ITIH3: variants seen among roughly 807,000 people sequenced by gnomAD.
ITIH3 encodes the protein inter-alpha-trypsin inhibitor heavy chain H3.
ITIH3 carries 81 observed loss-of-function variants against 96.5 expected under a neutral mutation model. The observed-to-expected ratio is 0.84, with a 90% CI of 0.70 to 1.01. The LOEUF (loss-of-function observed/expected upper bound fraction) is 1.01, where lower values mean the gene tolerates loss of function less well. ITIH3 is among the 50% of genes least tolerant of loss of function. The pLI is 0.00. For missense variants in ITIH3, 1,057 were observed against 1,139.3 expected (o/e 0.93, Z 1.04); for synonymous variants, 422 against 445.2 (o/e 0.95, Z 0.66).
chr3:52,804,109 C>A, intron 14 of ITIH3, 100 bp downstream of exon 14: 1 of 1,310,384 alleles, frequency 7.6e-7, no homozygotes, highest in Non-Finnish European at 1.1e-6. Flanking sequence ...GAGACCCAGA[C>A]CTGCTGAAGT....
intron 5 of ITIH3, among the ~76,000 whole-genome samples, chr3:52,797,597 T>C (rs538281881): frequency 1.2e-4 from 18 of 152,320 alleles, no homozygotes; most frequent in African/African-American, 4.3e-4. Flanking sequence ...GTGGTGGAAT[T>C]TCGGGCGCAT....
At chr3:52,806,866 C>T (rs772928188) in intron 18 of ITIH3, 35 bp from the exon 19 acceptor site, 18 of 1,537,396 alleles carry the variant, frequency 1.2e-5, no homozygotes, top group Admixed American at 1.2e-4. Flanking sequence ...CAGAAGTTCT[C>T]GCTGGTCTCT....
chr3:52,806,073 G>T (rs1411889630), intron 16 of ITIH3, 30 bp from the exon 17 acceptor site: 1 of 1,589,572 alleles, frequency 6.3e-7, no homozygotes, highest in Admixed American at 1.8e-5. Context: ...CACTTGCTTA[G>T]CTCAGCCCTC....
Position 52,795,762 on chromosome 3 carries a change from T to A in ITIH3, c.114+139T>A. 3 of 778,998 alleles carry A rather than the reference T, an allele frequency of 3.9e-6. No individual in the cohort carries two copies. In the South Asian group the frequency reaches 5.4e-5, roughly 14 times the overall value. 48.3% of individuals were successfully genotyped at this position (778,998 alleles called of 1,614,324 possible). A position where few individuals can be genotyped will look rare whatever the true frequency, so the allele number is the denominator to read the frequency against. On this transcript the variant is annotated intron_variant, in intron 2 of 21. Coordinates refer to ENST00000449956, the MANE Select transcript of ITIH3 (RefSeq NM_002217.4). Reference sequence around the variant, plus strand: ...CTTACGGCCCTCTGCCCTGGCAGCCTCCAACAGCGCAGGACTCCTGGGAAA... The same window carrying A: ...CTTACGGCCCTCTGCCCTGGCAGCCACCAACAGCGCAGGACTCCTGGGAAA...
intron 2 of ITIH3, 82 bp downstream of exon 2, chr3:52,795,705 A>AT: frequency 7.3e-7 from 1 of 1,374,032 alleles, no homozygotes; most frequent in Non-Finnish European, 1.0e-6. Context: ...GGTGTAGGCT[A>AT]TAACAGCTGA....
intron 7 of ITIH3, 57 bp from the exon 8 acceptor site, chr3:52,799,315 A>T: frequency 7.5e-7 from 1 of 1,333,730 alleles, no homozygotes; most frequent in Non-Finnish European, 1.0e-6. Context: ...CTGCAAGAAT[A>T]GTCAATGTGG....
At chr3:52,796,399 G>A in intron 2 of ITIH3, 82 bp from the exon 3 acceptor site, 1 of 1,292,438 alleles carries the variant, frequency 7.7e-7, no homozygotes, top group Non-Finnish European at 1.1e-6. Flanking sequence ...AGCCTCCAAG[G>A]GTTTGCAAGG....
At position 52,800,947 on chromosome 3, in the gene ITIH3, C is replaced by T. The variant is rs1285527540; in HGVS notation, c.1202-18C>T. On this transcript the variant is annotated intron_variant, in intron 10 of 21. Coordinates refer to ENST00000449956, the MANE Select transcript of ITIH3 (RefSeq NM_002217.4). ...CCCAGGGCTGGGGCTGGACTGTGAA[C>T]ACCCCCTTCTCCAACAGGTGAGAGC... 2.5e-6 allele frequency: 4 copies of T among 1,613,878 alleles called. No homozygotes were observed. The highest frequency in any genetic ancestry group is 3.4e-6 in the Non-Finnish European group (4 of 1,179,810).
chr3:52,802,860 A>G, intron 13 of ITIH3, 54 bp downstream of exon 13: 38 of 1,599,750 alleles, frequency 2.4e-5, no homozygotes, highest in Non-Finnish European at 3.1e-5. Flanking sequence ...GCTCCAATGC[A>G]AGGGCACCCC....
In ITIH3 at chr3:52,801,244, C is replaced by G; in HGVS notation, c.1383+98C>G. ...CAGTTCTAGTTATTAGGAAGAGCTT[C>G]GTCTTGGGTCAAAATCCACCTCTGA... On this transcript the variant is annotated intron_variant, in intron 11 of 21. Coordinates refer to ENST00000449956, the MANE Select transcript of ITIH3 (RefSeq NM_002217.4). The G allele has an allele frequency of 2.7e-6, 3 of 1,126,864 alleles. 1 individual carries two copies. The South Asian group carries it at 5.2e-5, about 19-fold the overall frequency. The allele number at this position is 1,126,864 out of a possible 1,614,324, so 69.8% of individuals were successfully genotyped here.
Position 52,799,885 on chromosome 3 carries a change from G to A in ITIH3, c.1039G>A (p.Ala347Thr), listed in dbSNP as rs373955614. The A allele has an allele frequency of 1.9e-6, 3 of 1,613,804 alleles. No homozygotes were observed. In the African/African-American group the frequency reaches 4.0e-5, roughly 22 times the overall value. The change falls in exon 9 of 22, where the codon GCC (alanine) becomes ACC (threonine). Residue 347 changes from alanine to threonine, a missense_variant. By Grantham distance (58) the Ala-to-Thr change is moderately conservative. Transcript: ENST00000449956. ...VQATPENLQE[A>T]RTFVKSMEDK... Reference sequence around the variant, plus strand: ...GGCCACGCCCGAGAACCTCCAGGAGGCCAGGACGTTTGTGAAGAGCATGGA... The same window carrying A: ...GGCCACGCCCGAGAACCTCCAGGAGACCAGGACGTTTGTGAAGAGCATGGA...
At chr3:52,803,768 C>T in intron 13 of ITIH3, 87 bp from the exon 14 acceptor site, 1 of 1,463,536 alleles carries the variant, frequency 6.8e-7, no homozygotes, top group South Asian at 1.3e-5. Context: ...GAGTGGGGAT[C>T]CCCAGCTGTG....
intron 14 of ITIH3, chr3:52,804,239 G>A (rs1333606502): frequency 8.7e-6 from 5 of 571,728 alleles, no homozygotes; most frequent in African/African-American, 1.9e-5. Flanking sequence ...AGGGAAGTGA[G>A]TAAAGGGGGC....
In ITIH3 at chr3:52,801,407, G is replaced by C. The variant is rs188778952; in HGVS notation, c.1383+261G>C. 6.6e-5 allele frequency among the ~76,000 whole-genome samples: 10 copies of C among 152,258 alleles called. No homozygotes were observed. The South Asian group carries it at 1.5e-3, about 22-fold the overall frequency. ...TTCTGATAAATAATGAATTTTTGTAGTGTAAGTATGCCCCAAATATTGCAC... is the reference window on the plus strand; with the variant it reads ...TTCTGATAAATAATGAATTTTTGTACTGTAAGTATGCCCCAAATATTGCAC... On this transcript the variant is annotated intron_variant, in intron 11 of 21. Coordinates refer to ENST00000449956, the MANE Select transcript of ITIH3 (RefSeq NM_002217.4).
chr3:52,800,539 G>T lies in ITIH3; in HGVS notation c.1077G>T (p.Met359Ile). The T allele has an allele frequency of 6.4e-7, 1 of 1,554,178 alleles. No homozygotes were observed. Among genetic ancestry groups the T allele is most frequent in the South Asian group, 1.2e-5 (1 of 84,088 alleles). Residue 359 changes from methionine to isoleucine, a missense_variant and splice_region_variant, in exon 10 of 22, where the codon ATG becomes ATT. Met to Ile is a conservative substitution (Grantham distance 10). Coordinates refer to ENST00000449956, the MANE Select transcript of ITIH3 (RefSeq NM_002217.4). ...CGGTGCTGTCTGTCTGTGTCCCAGT[G>T]ACCAACATCAATGACGGGCTGCTGA... is the stretch of plus-strand genomic sequence containing the variant. ...TFVKSMEDKG[M>I]TNINDGLLRG...
intron 11 of ITIH3, among the ~76,000 whole-genome samples, chr3:52,801,622 G>T (rs1334188430): frequency 6.6e-6 from 1 of 152,066 alleles, no homozygotes; most frequent in African/African-American, 2.4e-5. Flanking sequence ...CTTATCAATG[G>T]CTGTCTTCTC....
intron 15 of ITIH3, chr3:52,805,361 G>A (rs894934026): frequency 2.9e-6 from 3 of 1,017,472 alleles, no homozygotes; most frequent in Non-Finnish European, 3.5e-6. Flanking sequence ...CCTGATAAAT[G>A]TACCGGTGCA....
chr3:52,806,297 C>T lies in ITIH3; in HGVS notation c.1947C>T (p.Asp649=), dbSNP rs201509967. 85 of 1,613,172 alleles carry T rather than the reference C, an allele frequency of 5.3e-5. 2 individuals carry two copies. The highest frequency in any genetic ancestry group is 3.6e-4 in the South Asian group (33 of 90,974). The stretch of plus-strand genomic sequence containing the variant: ...CCTTCTCTAATGTGTCACCAGTGGA[C>T]GGGGATCCCCACTTCATCATCCAAA... ...QPPQNPYYYV[D]GDPHFIIQIP... Residue 649 remains aspartate, a synonymous_variant, in exon 18 of 22, where the codon GAC becomes GAT. Coordinates refer to ENST00000449956, the MANE Select transcript of ITIH3 (RefSeq NM_002217.4).
chr3:52,805,491 G>A, intron 15 of ITIH3: 2 of 1,149,122 alleles, frequency 1.7e-6, no homozygotes, highest in Non-Finnish European at 2.2e-6. Context: ...CTAGGGGGTG[G>A]GAAGCCCAGG....
Sources: allele counts gnomAD v4.1 joint callset (sites outside exome capture counted in the v4.1 genomes callset), GRCh38; gene constraint gnomAD v4.1.1; transcripts MANE v1.5; gene names NCBI Gene and HGNC (gene_info 2026-07-23, HGNC 2026-07-21).